The following SEMA6D variants were observed in gnomAD, a reference collection of about 807,000 sequenced individuals.
The protein encoded by SEMA6D is semaphorin-6D.
A neutral mutation model predicts 106.6 loss-of-function variants in SEMA6D; 35 were observed. The observed-to-expected ratio is 0.33, with a 90% CI of 0.25 to 0.44. The LOEUF is 0.44. Ranked by LOEUF, SEMA6D falls within the 20% of genes least tolerant of loss-of-function variation. SEMA6D has a pLI of 1.00. For synonymous variants in SEMA6D, 499 were observed against 487.7 expected, an observed-to-expected ratio of 1.02 and a Z score of -0.31; for missense variants, 1,185 against 1,345.9, an observed-to-expected ratio of 0.88 and a Z score of 1.87.
intron 3 of SEMA6D, among the ~76,000 whole-genome samples, chr15:47,516,097 G>A (rs1166329818): frequency 6.6e-6 from 1 of 152,086 alleles, no homozygotes; most frequent in Non-Finnish European, 1.5e-5. Context: ...CGTCCCCATT[G>A]AGCCATGTGG....
intron 1 of SEMA6D, among the ~76,000 whole-genome samples, chr15:47,208,711 A>G (rs1038386402): frequency 1.3e-5 from 2 of 152,204 alleles, no homozygotes; most frequent in South Asian, 2.1e-4. Flanking sequence ...ATTATATTTG[A>G]GTCAATCAAA....
chr15:47,315,613 A>G (rs892508338), intron 1 of SEMA6D, among the ~76,000 whole-genome samples: 40 of 152,216 alleles, frequency 2.6e-4, no homozygotes, highest in African/African-American at 9.4e-4. Context: ...CTTTATAATT[A>G]GTTTGTCAAC....
chr15:47,502,600 C>T (rs1194603861), intron 3 of SEMA6D, among the ~76,000 whole-genome samples: 1 of 152,192 alleles, frequency 6.6e-6, no homozygotes, highest in Non-Finnish European at 1.5e-5. Context: ...CGACCCAAGC[C>T]ATGTGAAAAT....
chr15:47,592,498 A>G (rs1206355972), intron 3 of SEMA6D, among the ~76,000 whole-genome samples: 1 of 152,128 alleles, frequency 6.6e-6, no homozygotes, highest in East Asian at 1.9e-4. Context: ...ATTTTCCTCA[A>G]TGTTAATTTC....
At chr15:47,517,257 C>T (rs1412309590) in intron 3 of SEMA6D, among the ~76,000 whole-genome samples, 4 of 151,998 alleles carry the variant, frequency 2.6e-5, no homozygotes, top group African/African-American at 9.7e-5. Flanking sequence ...CTTTGAAAAC[C>T]AGGGGTTTTC....
chr15:47,449,097 A>G (rs1321839868), intron 2 of SEMA6D, among the ~76,000 whole-genome samples: 1 of 152,078 alleles, frequency 6.6e-6, no homozygotes, highest in East Asian at 1.9e-4. Flanking sequence ...CCTATACAGG[A>G]CATAGTAAAT....
In SEMA6D at chr15:47,405,597, T is replaced by C. The variant is rs559206095; in HGVS notation, c.-238-6796T>C. Among the ~76,000 whole-genome samples, 166 of 152,296 alleles carry C rather than the reference T, an allele frequency of 1.1e-3. 1 individual carries two copies. The highest frequency in any genetic ancestry group is 5.2e-3 in the South Asian group (25 of 4,824). ...AGGGTCTTTCCCATAGCAACAAAAT[T>C]AGTCCTTGACACCTAGACAGTTCTT... On this transcript the variant is annotated intron_variant, in intron 1 of 19. Coordinates refer to the SEMA6D transcript ENST00000558014.
intron 3 of SEMA6D, among the ~76,000 whole-genome samples, chr15:47,518,937 A>G (rs2044478844): frequency 6.6e-6 from 1 of 152,046 alleles, no homozygotes; most frequent in African/African-American, 2.4e-5. Context: ...ATAATATAAT[A>G]ATAAAGGCCG....
chr15:47,634,901 C>G (rs2077358039), intron 4 of SEMA6D, among the ~76,000 whole-genome samples: 2 of 152,204 alleles, frequency 1.3e-5, no homozygotes, highest in African/African-American at 4.8e-5. Flanking sequence ...TCCTGCATGT[C>G]TGACTGGAAT....
At chr15:47,215,759 C>G (rs1440679491) in intron 1 of SEMA6D, among the ~76,000 whole-genome samples, 1 of 152,090 alleles carries the variant, frequency 6.6e-6, no homozygotes, top group African/African-American at 2.4e-5. Flanking sequence ...ATCTTGCTCA[C>G]CTATAGAACA....
At chr15:47,593,228 C>A (rs1378072673) in intron 3 of SEMA6D, among the ~76,000 whole-genome samples, 1 of 151,808 alleles carries the variant, frequency 6.6e-6, no homozygotes, top group Admixed American at 6.6e-5. Flanking sequence ...CACGGTAAAA[C>A]CCTGTCTCTA....
intron 4 of SEMA6D, among the ~76,000 whole-genome samples, chr15:47,609,938 G>A (rs1254690393): frequency 6.6e-6 from 1 of 152,214 alleles, no homozygotes; most frequent in African/African-American, 2.4e-5. Flanking sequence ...GGTGCTGCAT[G>A]TGTGCTCTGT....
intron 1 of SEMA6D, among the ~76,000 whole-genome samples, chr15:47,409,139 TG>T (rs1259830565): frequency 1.3e-5 from 2 of 152,224 alleles, no homozygotes; most frequent in African/African-American, 4.8e-5. Flanking sequence ...AGAGCACTTT[TG>T]CAAATGCTGA....
intron 1 of SEMA6D, among the ~76,000 whole-genome samples, chr15:47,220,968 A>T (rs1363185056): frequency 6.6e-6 from 1 of 152,182 alleles, no homozygotes; most frequent in Non-Finnish European, 1.5e-5. Context: ...ATATATTAAA[A>T]TGTCTGGGAA....
intron 4 of SEMA6D, among the ~76,000 whole-genome samples, chr15:47,702,929 A>T (rs990349877): frequency 6.6e-6 from 1 of 152,184 alleles, no homozygotes; most frequent in South Asian, 2.1e-4. Flanking sequence ...ATACCATAAT[A>T]GTGGATACGT....
chr15:47,334,131 G>T (rs917158349), intron 1 of SEMA6D, among the ~76,000 whole-genome samples: 1 of 152,166 alleles, frequency 6.6e-6, no homozygotes, highest in Admixed American at 6.5e-5. Context: ...GAGAGTACTG[G>T]ATTTGCAGAG....
At chr15:47,595,777 A>T (rs1339046728) in intron 3 of SEMA6D, among the ~76,000 whole-genome samples, 1 of 151,528 alleles carries the variant, frequency 6.6e-6, no homozygotes, top group African/African-American at 2.4e-5. Flanking sequence ...TTAGATTTTA[A>T]TTTTTTTTCT....
intron 1 of SEMA6D, among the ~76,000 whole-genome samples, chr15:47,380,918 G>C (rs1472740275): frequency 6.6e-6 from 1 of 152,330 alleles, no homozygotes; most frequent in East Asian, 1.9e-4. Flanking sequence ...AAAATAGTTG[G>C]AGGTGATCAT....
chr15:47,708,476 T>C (rs573761492), intron 4 of SEMA6D, among the ~76,000 whole-genome samples: 1 of 152,360 alleles, frequency 6.6e-6, no homozygotes, highest in South Asian at 2.1e-4. Flanking sequence ...ATTATGCATT[T>C]CCCCTTGTCC....
Sources: gnomAD v4.1 joint callset for allele counts (sites outside exome capture counted in the v4.1 genomes callset) on GRCh38, gnomAD v4.1.1 for gene constraint, MANE v1.5 for transcripts, NCBI Gene and HGNC (gene_info 2026-07-23, HGNC 2026-07-21) for gene names.